The following JCAD variants were observed in gnomAD, a reference collection of about 807,000 sequenced individuals.
JCAD encodes the protein junctional cadherin 5 associated, also known as junctional cadherin 5-associated protein.
JCAD carries 40 observed loss-of-function variants against 98.0 expected under a neutral mutation model. The observed-to-expected ratio is 0.41, with a 90% CI of 0.32 to 0.53. The LOEUF (loss-of-function observed/expected upper bound fraction) is 0.53. Among genes scored for constraint, JCAD ranks in the 20% least tolerant of loss-of-function variants. JCAD has a pLI of 0.31. For missense variants in JCAD, 1,705 were observed against 1,738.1 expected (o/e 0.98, Z 0.34); for synonymous variants, 691 against 682.3 (o/e 1.01, Z -0.20).
intron 2 of JCAD, among the ~76,000 whole-genome samples, chr10:30,037,477 G>A (rs1020331367): frequency 2.0e-5 from 3 of 152,174 alleles, no homozygotes; most frequent in African/African-American, 7.2e-5. Context: ...GGTTGCGCTG[G>A]CAGAATGGTA....
chr10:30,102,710 C>T (rs1027060550), intron 1 of JCAD, among the ~76,000 whole-genome samples: 1 of 152,174 alleles, frequency 6.6e-6, no homozygotes, highest in African/African-American at 2.4e-5. Context: ...CGGTGCCTGG[C>T]TTATTGTATT....
chr10:30,027,040 C>T lies in JCAD; in HGVS notation c.3108G>A (p.Leu1036=). 1 of 1,614,212 alleles carries T rather than the reference C, an allele frequency of 6.2e-7. No homozygotes were observed. Among genetic ancestry groups the T allele is most frequent in the Admixed American group, 1.7e-5 (1 of 60,022 alleles). The change falls in exon 3 of 4, where the codon CTG becomes CTA. Residue 1036 remains leucine, a synonymous_variant. Coordinates refer to ENST00000375377, the MANE Select transcript of JCAD (RefSeq NM_020848.4). ...GERGAGLPLS[L]SNKNRGLSAP... ...CTGAGAGCCCTCGGTTCTTGTTAGA[C>T]AGGGACAGTGGGAGCCCTGCCCCCC...
At position 30,028,010 on chromosome 10, in the gene JCAD, G is replaced by T; in HGVS notation, c.2138C>A (p.Pro713Gln). The T allele has an allele frequency of 6.2e-7, 1 of 1,614,242 alleles. No individual in the cohort carries two copies. Among genetic ancestry groups the T allele is most frequent in the Non-Finnish European group, 8.5e-7 (1 of 1,180,052 alleles). The part of the protein sequence containing the change: ...QLLPGAKLGG[P>Q]SRAALSPKCS... ...TTTTGGACTCAATGCTGCACGACTCGGCCCTCCCAGCTTTGCACCAGGGAG... is the reference window on the plus strand; with the variant it reads ...TTTTGGACTCAATGCTGCACGACTCTGCCCTCCCAGCTTTGCACCAGGGAG... Residue 713 changes from proline (P) to glutamine (Q), a missense_variant, in exon 3 of 4, where the codon CCG becomes CAG. Pro to Gln is a moderately conservative substitution (Grantham distance 76, BLOSUM62 -1). This residue lies in a region of JCAD where 1,278 missense variants were observed against 1,243.1 expected (regional missense o/e 1.03). Coordinates refer to ENST00000375377, the MANE Select transcript of JCAD (RefSeq NM_020848.4).
upstream of JCAD, among the ~76,000 whole-genome samples, chr10:30,059,790 G>A (rs1161154804): frequency 2.0e-5 from 3 of 152,186 alleles, no homozygotes; most frequent in Non-Finnish European, 4.4e-5. This position sits in a 1 kb window ranked among gnomAD's most constrained non-coding sequence, Gnocchi z 5.0. Flanking sequence ...CGTCAACCCT[G>A]TGGAAATGTC....
At chr10:30,075,450 T>C (rs1436904969) in intron 1 of JCAD, among the ~76,000 whole-genome samples, 4 of 152,188 alleles carry the variant, frequency 2.6e-5, no homozygotes, top group Non-Finnish European at 4.4e-5. Flanking sequence ...AATGGCCCAA[T>C]TGATTTAATA....
intron 1 of JCAD, among the ~76,000 whole-genome samples, chr10:30,093,243 C>G (rs1176085360): frequency 1.3e-5 from 2 of 152,148 alleles, no homozygotes; most frequent in Non-Finnish European, 2.9e-5. Context: ...TAGCCATAAG[C>G]AAGGGAATTG....
intron 1 of JCAD, among the ~76,000 whole-genome samples, chr10:30,086,217 C>T (rs1408217742): frequency 6.6e-6 from 1 of 152,064 alleles, no homozygotes; most frequent in Non-Finnish European, 1.5e-5. Context: ...TAAAAAAAAT[C>T]TAGAAGCAAA....
chr10:30,072,902 T>C (rs1837918537), intron 1 of JCAD, among the ~76,000 whole-genome samples: 1 of 152,214 alleles, frequency 6.6e-6, no homozygotes, highest in African/African-American at 2.4e-5. Flanking sequence ...TCTCCTGAAG[T>C]GCTGGGATTA....
upstream of JCAD, among the ~76,000 whole-genome samples, chr10:30,060,350 G>A (rs1256365139): frequency 6.6e-6 from 1 of 152,218 alleles, no homozygotes; most frequent in Non-Finnish European, 1.5e-5. Context: ...GAGGAGGTCA[G>A]TGGGAGAGTT....
chr10:30,062,196 A>T (rs1430611935), upstream of JCAD, among the ~76,000 whole-genome samples: 1 of 152,256 alleles, frequency 6.6e-6, no homozygotes, highest in East Asian at 1.9e-4. Flanking sequence ...GCAAAGGCAG[A>T]TTCAATTAGG....
intron 2 of JCAD, among the ~76,000 whole-genome samples, chr10:30,045,264 A>C (rs540440312): frequency 6.6e-6 from 1 of 152,078 alleles, no homozygotes; most frequent in African/African-American, 2.4e-5. Context: ...GTGAGACTCA[A>C]CTCTGATCCA....
At chr10:30,061,726 GC>G, upstream of JCAD, among the ~76,000 whole-genome samples, 1 of 149,454 alleles carries the variant, frequency 6.7e-6, no homozygotes, top group Non-Finnish European at 1.5e-5. Flanking sequence ...AAAAGGAAAT[GC>G]AGACTTTTTT....
intron 2 of JCAD, among the ~76,000 whole-genome samples, chr10:30,044,988 C>T (rs1484189993): frequency 6.6e-6 from 1 of 152,122 alleles, no homozygotes; most frequent in Non-Finnish European, 1.5e-5. Context: ...CTAAGTGAAT[C>T]GGCCAATCTC....
chr10:30,039,097 A>G (rs1304068447), intron 2 of JCAD, among the ~76,000 whole-genome samples: 1 of 152,208 alleles, frequency 6.6e-6, no homozygotes, highest in African/African-American at 2.4e-5. Context: ...ATGAATGTAA[A>G]GGCAAGAAGC....
In JCAD at chr10:30,088,728, G is replaced by A. The variant is rs1355691446; in HGVS notation, n.129-18907C>T. Among the ~76,000 whole-genome samples, 10 of 152,246 alleles carry A rather than the reference G, an allele frequency of 6.6e-5. No individual in the cohort carries two copies. The East Asian group carries it at 1.9e-3, about 29-fold the overall frequency. On this transcript the variant is annotated intron_variant and non_coding_transcript_variant, in intron 1 of 2. Transcript: ENST00000465712. Reference sequence around the variant, plus strand: ...CACACCTGTAATTCCAGCACTTTGGGTGACTGAAGGGTGTGGATCACCTGA... The same window carrying A: ...CACACCTGTAATTCCAGCACTTTGGATGACTGAAGGGTGTGGATCACCTGA...
intron 2 of JCAD, among the ~76,000 whole-genome samples, chr10:30,046,778 C>T (rs1047193257): frequency 6.6e-6 from 1 of 152,132 alleles, no homozygotes; most frequent in Non-Finnish European, 1.5e-5. Flanking sequence ...GCTGGAACAC[C>T]CTGAATATCA....
At chr10:30,035,457 G>T (rs1026580072) in intron 2 of JCAD, among the ~76,000 whole-genome samples, 1 of 152,158 alleles carries the variant, frequency 6.6e-6, no homozygotes, top group Non-Finnish European at 1.5e-5. Context: ...CATCTATTTT[G>T]TACCTAGCAA....
intron 1 of JCAD, among the ~76,000 whole-genome samples, chr10:30,079,871 T>C (rs1187194712): frequency 6.6e-6 from 1 of 152,210 alleles, no homozygotes; most frequent in Non-Finnish European, 1.5e-5. Context: ...ATAAAAATAA[T>C]TTAGGTCAGG....
intron 1 of JCAD, among the ~76,000 whole-genome samples, chr10:30,056,156 T>C (rs1360126836): frequency 2.0e-5 from 3 of 152,228 alleles, no homozygotes; most frequent in African/African-American, 7.2e-5. Flanking sequence ...TAAAACATCA[T>C]CATAGGTTAG....
Sources: allele counts gnomAD v4.1 joint callset (sites outside exome capture counted in the v4.1 genomes callset), GRCh38; gene constraint gnomAD v4.1.1; regional missense constraint gnomAD v4.1.1; non-coding constraint Gnocchi (gnomAD v3.1); transcripts MANE v1.5; gene names NCBI Gene and HGNC (gene_info 2026-07-23, HGNC 2026-07-21).